Variants in CCNH observed in about 807,000 individuals in gnomAD.
CCNH encodes the protein cyclin H.
In CCNH, 31 loss-of-function variants were observed where a neutral mutation model predicts 41.9. The observed-to-expected ratio is 0.74, with a 90% confidence interval of 0.56 to 1.00. The LOEUF is 1.00. CCNH is among the 50% of genes least tolerant of loss of function. The pLI, the probability that CCNH is intolerant of heterozygous loss-of-function variation, is 0.00. For synonymous variants in CCNH, 138 were observed against 136.1 expected, an observed-to-expected ratio of 1.01 and a Z score of -0.10; for missense variants, 362 against 388.4, an observed-to-expected ratio of 0.93 and a Z score of 0.57.
downstream of CCNH, among the ~76,000 whole-genome samples, chr5:87,375,755 G>A (rs542981715): frequency 3.3e-5 from 5 of 152,184 alleles, no homozygotes; most frequent in African/African-American, 7.2e-5. Flanking sequence ...GGTGAATTAG[G>A]TTAATACCTT....
intron 5 of CCNH, among the ~76,000 whole-genome samples, chr5:87,403,069 A>G (rs983536562): frequency 1.1e-4 from 16 of 152,206 alleles, no homozygotes; most frequent in African/African-American, 3.9e-4. Flanking sequence ...TAATAATCCT[A>G]TGATTAATAA....
At chr5:87,341,832 A>G (rs772944570) in intron 9 of CCNH, among the ~76,000 whole-genome samples, 3 of 152,040 alleles carry the variant, frequency 2.0e-5, no homozygotes, top group Non-Finnish European at 4.4e-5. Context: ...TAGACTATTC[A>G]TCTCCTAATA....
At chr5:87,353,377 CTG>C (rs1409659801) in intron 9 of CCNH, 9 of 739,146 alleles carry the variant, frequency 1.2e-5, no homozygotes, top group Non-Finnish European at 1.1e-5. Context: ...AGAAAGTCAA[CTG>C]TAAGAATCTT....
chr5:87,315,824 C>G (rs1447681644), downstream of CCNH, among the ~76,000 whole-genome samples: 1 of 152,034 alleles, frequency 6.6e-6, no homozygotes, highest in Non-Finnish European at 1.5e-5. Context: ...TGTTTTACTT[C>G]AAAAACAATG....
At position 87,341,443 on chromosome 5, in the gene CCNH, G is replaced by A. The variant is rs545416711; in HGVS notation, c.*91-22546C>T. Reference sequence around the variant, plus strand: ...TGGACTGACTTAACTTTTAAATTTGGCTTAGGGAACTGATTTCTAAATATT... The same window carrying A: ...TGGACTGACTTAACTTTTAAATTTGACTTAGGGAACTGATTTCTAAATATT... On this transcript the variant is annotated intron_variant and NMD_transcript_variant, in intron 9 of 9. Coordinates refer to the CCNH transcript ENST00000645953. The A allele has an allele frequency of 1.9e-5, 10 of 515,236 alleles. No individual in the cohort carries two copies. In the South Asian group the frequency reaches 2.8e-4, roughly 14 times the overall value. The allele number at this position is 515,236 out of a possible 1,614,324, so 31.9% of individuals were successfully genotyped here. A position where few individuals can be genotyped will look rare whatever the true frequency, so the allele number is the denominator to read the frequency against.
rs2230641 is a variant in CCNH, at chr5:87,399,457, A to T, written c.809T>A (p.Val270Asp). The T allele has an allele frequency of 6.2e-7, 1 of 1,613,606 alleles. No individual in the cohort carries two copies. Among genetic ancestry groups the T allele is most frequent in the Non-Finnish European group, 8.5e-7 (1 of 1,179,698 alleles). The change falls in exon 7 of 9, where the codon GTT becomes GAT. Residue 270 changes from valine to aspartate, a missense_variant. Val to Asp is a radical substitution (Grantham distance 152, BLOSUM62 -3). Coordinates refer to ENST00000256897, the MANE Select transcript of CCNH (RefSeq NM_001239.4). ...KKYEPPRSEEVAVLKQKLERC... is the reference protein window; with the variant it reads ...KKYEPPRSEEDAVLKQKLERC... ...CTCCAACTTCTGTTTCAGAACAGCA[A>T]CTTCTTCAGATCTGGGTGGTTCATA...
At chr5:87,342,312 C>T (rs975030908) in intron 9 of CCNH, among the ~76,000 whole-genome samples, 3 of 151,994 alleles carry the variant, frequency 2.0e-5, no homozygotes, top group African/African-American at 7.2e-5. Context: ...GCGCACAACA[C>T]CATGCTAGGC....
At chr5:87,316,233 A>T (rs1353205203), downstream of CCNH, among the ~76,000 whole-genome samples, 1 of 152,156 alleles carries the variant, frequency 6.6e-6, no homozygotes, top group Non-Finnish European at 1.5e-5. Flanking sequence ...GCCCTCTAAG[A>T]TGTTCTTGCT....
intron 9 of CCNH, chr5:87,349,263 C>A: frequency 1.9e-6 from 3 of 1,611,922 alleles, no homozygotes; most frequent in East Asian, 2.2e-5. Flanking sequence ...ATACTCCTGG[C>A]GATTATTCAC....
At chr5:87,351,725 A>C (rs1580331390) in intron 9 of CCNH, among the ~76,000 whole-genome samples, 1 of 151,846 alleles carries the variant, frequency 6.6e-6, no homozygotes, top group East Asian at 1.9e-4. Context: ...TATAAATGGA[A>C]GAGTAATTTT....
chr5:87,314,417 A>C (rs569256188), downstream of CCNH, among the ~76,000 whole-genome samples: 1 of 152,276 alleles, frequency 6.6e-6, no homozygotes, highest in East Asian at 1.9e-4. Context: ...AAAACTGAAA[A>C]ATCTGTTGTA....
intron 9 of CCNH, among the ~76,000 whole-genome samples, chr5:87,334,950 C>T (rs1244451218): frequency 6.6e-6 from 1 of 152,002 alleles, no homozygotes; most frequent in Non-Finnish European, 1.5e-5. Flanking sequence ...GTGGCACGAT[C>T]TTGCCTCACT....
chr5:87,367,974 T>TA (rs56965674), intron 9 of CCNH, among the ~76,000 whole-genome samples: 2,191 of 150,512 alleles, frequency 0.015, 25 homozygotes, highest in African/African-American at 0.02. Context: ...AACTATAAAT[T>TA]AAAAAAAAAA....
At chr5:87,381,919 A>C (rs1761742904), upstream of CCNH, among the ~76,000 whole-genome samples, 1 of 152,156 alleles carries the variant, frequency 6.6e-6, no homozygotes, top group Non-Finnish European at 1.5e-5. Flanking sequence ...AGTTTACAAG[A>C]TTCTTTAAAT....
chr5:87,346,728 C>T lies in CCNH; in HGVS notation c.*91-27831G>A, dbSNP rs944277207. 5 of 1,538,232 alleles carry T rather than the reference C, an allele frequency of 3.3e-6. No homozygotes were observed. The African/African-American group carries it at 5.5e-5, about 17-fold the overall frequency. On this transcript the variant is annotated intron_variant and NMD_transcript_variant, in intron 9 of 9. Coordinates refer to the CCNH transcript ENST00000645953. The stretch of plus-strand genomic sequence containing the variant: ...GCTTATAATTTACTAATGACAGGTA[C>T]TTACATATTTACTTGCTTTTCTAAT...
At chr5:87,387,254 G>A (rs1037950338), downstream of CCNH, among the ~76,000 whole-genome samples, 2 of 151,974 alleles carry the variant, frequency 1.3e-5, no homozygotes, top group African/African-American at 4.8e-5. Flanking sequence ...GCTACTATGT[G>A]GGGCGTGAAG....
At chr5:87,412,297 A>C in intron 1 of CCNH, 1 of 530,720 alleles carries the variant, frequency 1.9e-6, no homozygotes. Context: ...CCTCCCTCCC[A>C]CTCTGAACGG....
chr5:87,351,682 CCTGA>C (rs1000192507), intron 9 of CCNH, among the ~76,000 whole-genome samples: 5 of 151,742 alleles, frequency 3.3e-5, no homozygotes, highest in African/African-American at 1.2e-4. Context: ...GTTTATCTCC[CCTGA>C]CTGTTTATTT....
chr5:87,336,247 AGTGAATATTTTCAAACATTT>A (rs1010216075), intron 9 of CCNH, among the ~76,000 whole-genome samples: 6 of 152,186 alleles, frequency 3.9e-5, no homozygotes, highest in Non-Finnish European at 5.9e-5. Flanking sequence ...TAAAGGAATT[AGTGAATATTTTCAAACATTT>A]GTTTTAAATT....
Sources: allele counts gnomAD v4.1 joint callset (sites outside exome capture counted in the v4.1 genomes callset), GRCh38; gene constraint gnomAD v4.1.1; transcripts MANE v1.5; gene names NCBI Gene and HGNC (gene_info 2026-07-23, HGNC 2026-07-21).